The following AFAP1 variants were observed in gnomAD, a reference collection of about 807,000 sequenced individuals.
AFAP1 encodes actin filament-associated protein 1.
A neutral mutation model predicts 93.9 loss-of-function variants in AFAP1; 75 were observed. The observed-to-expected ratio is 0.80, with a 90% CI of 0.66 to 0.97. The LOEUF is 0.97. Among genes scored for constraint, AFAP1 ranks in the 50% least tolerant of loss-of-function variants. The probability of loss-of-function intolerance (pLI) is 0.00; values close to 1 mark genes in which losing one functional copy is unlikely to be tolerated. For missense variants in AFAP1, 1,201 were observed against 1,050.8 expected, an observed-to-expected ratio of 1.14 and a Z score of -1.98; for synonymous variants, 517 against 430.7, an observed-to-expected ratio of 1.20 and a Z score of -2.48.
chr4:7,810,291 G>A (rs1384918785), intron 8 of AFAP1, among the ~76,000 whole-genome samples: 1 of 152,236 alleles, frequency 6.6e-6, no homozygotes, highest in East Asian at 1.9e-4. Flanking sequence ...ATCTAAGATA[G>A]GGTTATGTGG....
intron 6 of AFAP1, among the ~76,000 whole-genome samples, chr4:7,838,066 T>C (rs1464205660): frequency 2.6e-5 from 4 of 151,962 alleles, no homozygotes; most frequent in Non-Finnish European, 5.9e-5. Flanking sequence ...GAAGTAAATA[T>C]AGTGAGAAAG....
At chr4:7,795,403 A>ATT (rs1718304253) in intron 10 of AFAP1, among the ~76,000 whole-genome samples, 1 of 118,704 alleles carries the variant, frequency 8.4e-6, no homozygotes, top group Non-Finnish European at 1.7e-5. Context: ...CTAAAACAAA[A>ATT]TCTTTTTTTT....
chr4:7,878,050 C>CA (rs1449250990), intron 1 of AFAP1, among the ~76,000 whole-genome samples: 2 of 152,158 alleles, frequency 1.3e-5, no homozygotes, highest in African/African-American at 4.8e-5. Context: ...CATGGCGTAC[C>CA]AAAATCTCAC....
chr4:7,850,614 G>A (rs1714321440), intron 4 of AFAP1, among the ~76,000 whole-genome samples: 1 of 152,236 alleles, frequency 6.6e-6, no homozygotes, highest in Non-Finnish European at 1.5e-5. Flanking sequence ...AACCTGGAAG[G>A]AGAGAAGGAA....
At chr4:7,790,231 G>A (rs1717742908) in intron 11 of AFAP1, among the ~76,000 whole-genome samples, 1 of 152,202 alleles carries the variant, frequency 6.6e-6, no homozygotes, top group Non-Finnish European at 1.5e-5. Flanking sequence ...TTACAGGAGT[G>A]TTTGGCTAGA....
chr4:7,881,534 A>C (rs937690043), intron 1 of AFAP1, among the ~76,000 whole-genome samples: 3 of 151,992 alleles, frequency 2.0e-5, no homozygotes, highest in Non-Finnish European at 4.4e-5. Context: ...TGTAATCCCA[A>C]CACTTTGGGA....
intron 3 of AFAP1, among the ~76,000 whole-genome samples, chr4:7,866,724 A>G (rs767896904): frequency 6.6e-6 from 1 of 152,122 alleles, no homozygotes; most frequent in Non-Finnish European, 1.5e-5. Flanking sequence ...CTGGACTTTA[A>G]TATCACATTA....
At chr4:7,908,772 C>G (rs1332455110) in intron 1 of AFAP1, among the ~76,000 whole-genome samples, 2 of 152,218 alleles carry the variant, frequency 1.3e-5, no homozygotes, top group African/African-American at 4.8e-5. Context: ...AGCACCTGTT[C>G]TTGTCTGGAT....
chr4:7,812,133 G>A (rs1429941642), intron 8 of AFAP1, among the ~76,000 whole-genome samples: 2 of 152,032 alleles, frequency 1.3e-5, no homozygotes, highest in Admixed American at 6.5e-5. Context: ...AACAGCGGAC[G>A]GCCCCTCCCA....
At chr4:7,826,689 G>A (rs1277134209) in intron 6 of AFAP1, among the ~76,000 whole-genome samples, 2 of 152,242 alleles carry the variant, frequency 1.3e-5, no homozygotes, top group Non-Finnish European at 2.9e-5. Context: ...CACGTCAATG[G>A]TTTGGAAGGC....
At chr4:7,776,328 GAGA>G (rs1716112534) in intron 14 of AFAP1, 1 of 152,162 alleles carries the variant, frequency 6.6e-6, no homozygotes, top group African/African-American at 2.4e-5. Context: ...GCAACCTCCG[GAGA>G]AGCTCAGCTT....
At chr4:7,935,288 G>A (rs1721309011) in intron 1 of AFAP1, among the ~76,000 whole-genome samples, 1 of 152,132 alleles carries the variant, frequency 6.6e-6, no homozygotes, top group South Asian at 2.1e-4. Flanking sequence ...CATTTTACAG[G>A]TAAGGGAACT....
chr4:7,807,878 T>C (rs564501401), intron 9 of AFAP1, among the ~76,000 whole-genome samples: 1 of 152,290 alleles, frequency 6.6e-6, no homozygotes, highest in East Asian at 1.9e-4. Flanking sequence ...CCATCCCTCC[T>C]CCTGACCACC....
intron 1 of AFAP1, among the ~76,000 whole-genome samples, chr4:7,885,859 G>A (rs1051025372): frequency 2.0e-5 from 3 of 152,086 alleles, no homozygotes; most frequent in African/African-American, 7.2e-5. Context: ...ACCTGTTCAG[G>A]GTCCTCTCTG....
intron 12 of AFAP1, among the ~76,000 whole-genome samples, chr4:7,784,388 G>A (rs1205368259): frequency 6.6e-6 from 1 of 152,098 alleles, no homozygotes; most frequent in Non-Finnish European, 1.5e-5. Flanking sequence ...TCCTATGTCT[G>A]TTTCCCTCCC....
At chr4:7,896,627 A>C (rs867760400) in intron 1 of AFAP1, among the ~76,000 whole-genome samples, 33 of 2,662 alleles carry the variant, frequency 0.012, no homozygotes, top group Admixed American at 0.023. Context: ...CTCACTCCCC[A>C]CACACCCAGG....
chr4:7,862,249 C>G (rs1715790646), intron 3 of AFAP1: 1 of 152,344 alleles, frequency 6.6e-6, no homozygotes, highest in African/African-American at 2.4e-5. Flanking sequence ...AAGAGGATCA[C>G]TTGAGCCTGG....
chr4:7,871,804 G>T, intron 2 of AFAP1, 148 bp downstream of exon 2: 1 of 1,151,098 alleles, frequency 8.7e-7, no homozygotes, highest in Non-Finnish European at 1.2e-6. Flanking sequence ...CTTGGCACAA[G>T]TGTAAACCCT....
chr4:7,869,313 G>A (rs1035229307), intron 2 of AFAP1, among the ~76,000 whole-genome samples: 1 of 152,222 alleles, frequency 6.6e-6, no homozygotes, highest in Admixed American at 6.5e-5. Context: ...GCCAGAGCCT[G>A]CATGCTCCTC....
Sources: allele counts gnomAD v4.1 joint callset (sites outside exome capture counted in the v4.1 genomes callset), GRCh38; gene constraint gnomAD v4.1.1; transcripts MANE v1.5; gene names NCBI Gene and HGNC (gene_info 2026-07-23, HGNC 2026-07-21).